EGFLAM: variants seen among roughly 807,000 people sequenced by gnomAD.
EGFLAM encodes the protein EGF like, fibronectin type III and laminin G domains, also known as pikachurin.
Under a neutral mutation model 113.1 loss-of-function variants are expected in EGFLAM, and 79 were observed. The observed-to-expected ratio is 0.70, with a 90% CI of 0.58 to 0.84. The LOEUF (loss-of-function observed/expected upper bound fraction) is 0.84. EGFLAM is among the 40% of genes least tolerant of loss of function. The pLI is 0.00. For synonymous variants in EGFLAM, 504 were observed against 487.6 expected (o/e 1.03, Z -0.44); for missense variants, 1,265 against 1,291.6 (o/e 0.98, Z 0.32).
At chr5:38,439,699 TC>T (rs1331071598) in intron 17 of EGFLAM, among the ~76,000 whole-genome samples, 1 of 152,208 alleles carries the variant, frequency 6.6e-6, no homozygotes, top group African/African-American at 2.4e-5. Context: ...GGTAATTGAT[TC>T]ATTTGTGAAT....
rs1456300917 is a variant in EGFLAM, at chr5:38,446,995, CCTT to C, written c.2465-1302_2465-1300del. Among the ~76,000 whole-genome samples the C allele has an allele frequency of 8.5e-5, 13 of 152,118 alleles. No individual in the cohort carries two copies. In the South Asian group the frequency reaches 1.7e-3, roughly 19 times the overall value. On this transcript the variant is annotated intron_variant, in intron 17 of 21. Coordinates refer to ENST00000322350, the MANE Select transcript of EGFLAM (RefSeq NM_152403.4). Reference sequence around the variant, plus strand: ...GTGAAGCTATAACGTGTTTTATAAACCTTCTTATTCTCCCTCATTTTGTACATT... The same window carrying C: ...GTGAAGCTATAACGTGTTTTATAAACCTTATTCTCCCTCATTTTGTACATT...
intron 1 of EGFLAM, among the ~76,000 whole-genome samples, chr5:38,278,755 C>T (rs12655610): frequency 0.19 from 28,440 of 151,620 alleles, 2,781 homozygotes; most frequent in Middle Eastern, 0.22. Context: ...TCCCAAAGTG[C>T]TAGGATTACA....
chr5:38,462,604 C>T, intron 20 of EGFLAM: 1 of 282,604 alleles, frequency 3.5e-6, no homozygotes, highest in Non-Finnish European at 6.8e-6. Flanking sequence ...AATAACTGTC[C>T]TCTCTCTAGT....
At chr5:38,364,324 T>C (rs1740003926) in intron 5 of EGFLAM, among the ~76,000 whole-genome samples, 1 of 152,082 alleles carries the variant, frequency 6.6e-6, no homozygotes, top group African/African-American at 2.4e-5. Flanking sequence ...ATAAGCTTGA[T>C]CTGACCTAGT....
chr5:38,347,985 A>T (rs1739517790), intron 3 of EGFLAM, among the ~76,000 whole-genome samples: 1 of 151,980 alleles, frequency 6.6e-6, no homozygotes, highest in Admixed American at 6.6e-5. Flanking sequence ...AACTGATGAG[A>T]TGGTGGTGAG....
At chr5:38,424,645 T>C (rs1009966988) in intron 12 of EGFLAM, among the ~76,000 whole-genome samples, 2 of 152,166 alleles carry the variant, frequency 1.3e-5, no homozygotes, top group African/African-American at 4.8e-5. Context: ...AAGAGAGAGA[T>C]GAATTAAAGC....
chr5:38,413,476 G>A (rs80126359), intron 11 of EGFLAM, among the ~76,000 whole-genome samples: 2,914 of 151,880 alleles, frequency 0.019, 44 homozygotes, highest in Non-Finnish European at 0.032. Flanking sequence ...GGCCGTAATT[G>A]TAGGAAATGG....
At chr5:38,441,772 T>G (rs1025014215) in intron 17 of EGFLAM, among the ~76,000 whole-genome samples, 6 of 152,176 alleles carry the variant, frequency 3.9e-5, no homozygotes, top group Admixed American at 3.9e-4. Context: ...AGGACACAGA[T>G]GTTTTCTCTG....
intron 1 of EGFLAM, among the ~76,000 whole-genome samples, chr5:38,260,776 A>G (rs945404844): frequency 1.3e-5 from 2 of 152,116 alleles, no homozygotes; most frequent in Non-Finnish European, 2.9e-5. Flanking sequence ...TTCAGGGGAA[A>G]TTTCCCTCCT....
rs547346420 is a variant in EGFLAM, at chr5:38,454,065, G to A, written c.2687+2607G>A. 2.3e-4 allele frequency among the ~76,000 whole-genome samples: 35 copies of A among 152,270 alleles called. No individual in the cohort carries two copies. The East Asian group carries it at 6.4e-3, about 28-fold the overall frequency. ...TAAGACACACTGCTGAACCCAGGCC[G>A]AGGTCGACTTCTGTGCCTGCTCTGG... is the stretch of plus-strand genomic sequence containing the variant. On this transcript the variant is annotated intron_variant, in intron 19 of 21. Coordinates refer to ENST00000322350, the MANE Select transcript of EGFLAM (RefSeq NM_152403.4).
At chr5:38,414,469 G>A (rs1375312702) in intron 11 of EGFLAM, among the ~76,000 whole-genome samples, 1 of 152,210 alleles carries the variant, frequency 6.6e-6, no homozygotes, top group Non-Finnish European at 1.5e-5. Flanking sequence ...GTAACAAGAA[G>A]CTAAAGAATT....
At chr5:38,367,540 C>T (rs1740095250) in intron 5 of EGFLAM, among the ~76,000 whole-genome samples, 2 of 152,040 alleles carry the variant, frequency 1.3e-5, no homozygotes, top group Non-Finnish European at 2.9e-5. Flanking sequence ...CTTGAGCCAC[C>T]CCACCAGATG....
chr5:38,395,707 C>T (rs901604321), intron 6 of EGFLAM, among the ~76,000 whole-genome samples: 1 of 152,096 alleles, frequency 6.6e-6, no homozygotes, highest in Non-Finnish European at 1.5e-5. Context: ...TGTAAGTCTC[C>T]CTCCCCACTG....
chr5:38,270,215 C>G (rs921769388), intron 1 of EGFLAM, among the ~76,000 whole-genome samples: 7 of 152,208 alleles, frequency 4.6e-5, no homozygotes, highest in Non-Finnish European at 5.9e-5. Context: ...TGAGAAGCAG[C>G]TGTTGCAGCT....
chr5:38,313,465 C>T (rs767882143), intron 1 of EGFLAM, among the ~76,000 whole-genome samples: 24 of 152,166 alleles, frequency 1.6e-4, no homozygotes, highest in Non-Finnish European at 3.1e-4. Context: ...TTGAGATGAA[C>T]ATGCTCGTGC....
chr5:38,427,654 T>C (rs974753017), intron 14 of EGFLAM, among the ~76,000 whole-genome samples: 4 of 152,224 alleles, frequency 2.6e-5, no homozygotes, highest in African/African-American at 9.6e-5. Flanking sequence ...ACATGTCAAC[T>C]AGTAAAAAAG....
intron 19 of EGFLAM, among the ~76,000 whole-genome samples, chr5:38,454,528 T>G (rs1400133514): frequency 6.6e-6 from 1 of 152,252 alleles, no homozygotes; most frequent in Non-Finnish European, 1.5e-5. Flanking sequence ...TCAAGCATTT[T>G]CTGAGTCTTA....
intron 6 of EGFLAM, among the ~76,000 whole-genome samples, chr5:38,384,150 A>T (rs543761481): frequency 6.6e-6 from 1 of 152,134 alleles, no homozygotes; most frequent in Non-Finnish European, 1.5e-5. Context: ...AGGCAATTTT[A>T]TATTGCTTTA....
intron 1 of EGFLAM, among the ~76,000 whole-genome samples, chr5:38,300,922 G>A (rs1758560262): frequency 6.6e-6 from 1 of 152,164 alleles, no homozygotes; most frequent in Non-Finnish European, 1.5e-5. Context: ...AGAGAATAAT[G>A]CTGAGATTTT....
Sources: gnomAD v4.1 joint callset for allele counts (sites outside exome capture counted in the v4.1 genomes callset) on GRCh38, gnomAD v4.1.1 for gene constraint, MANE v1.5 for transcripts, NCBI Gene and HGNC (gene_info 2026-07-23, HGNC 2026-07-21) for gene names.